Variants in DPP8 observed in about 807,000 individuals in gnomAD.
The protein encoded by DPP8 is DPP VIII.
Under a neutral mutation model 107.5 loss-of-function variants are expected in DPP8, and 31 were observed. The ratio of observed to expected loss-of-function variants is 0.29; its 90% confidence interval spans 0.22 to 0.39. DPP8 has a LOEUF of 0.39. DPP8 is among the 10% of genes least tolerant of loss of function. The probability of loss-of-function intolerance (pLI) is 1.00; values close to 1 mark genes in which losing one functional copy is unlikely to be tolerated. For missense variants in DPP8, 842 were observed against 1,076.1 expected, an observed-to-expected ratio of 0.78 and a Z score of 3.04; for synonymous variants, 381 against 356.6, an observed-to-expected ratio of 1.07 and a Z score of -0.77.
chr15:65,443,761 T>G lies in DPP8; in HGVS notation c.*3123A>C, dbSNP rs2063385396. ...TACTGTTTAGGTTCTTGTGAATCAG[T>G]CCAGTGTAAAAAATCACCTATTATT... On this transcript the variant is annotated 3_prime_UTR_variant, in exon 20 of 20. Transcript: ENST00000300141. The G allele has an allele frequency of 6.6e-6, 1 of 152,162 alleles. No individual in the cohort carries two copies. The highest frequency in any genetic ancestry group is 6.6e-5 in the Admixed American group (1 of 15,260). 9.4% of individuals were successfully genotyped at this position (152,162 alleles called of 1,614,324 possible).
At chr15:65,509,419 A>G (rs1305678389) in intron 2 of DPP8, among the ~76,000 whole-genome samples, 1 of 152,220 alleles carries the variant, frequency 6.6e-6, no homozygotes, top group Non-Finnish European at 1.5e-5. Context: ...ATCCATGACC[A>G]GTAAAAATTT....
chr15:65,448,351 T>C (rs574706397), intron 19 of DPP8, among the ~76,000 whole-genome samples: 1 of 151,970 alleles, frequency 6.6e-6, no homozygotes, highest in Admixed American at 6.6e-5. Context: ...CTGGGCAACT[T>C]AGTGACACCC....
chr15:65,493,288 G>A (rs1156321118), intron 5 of DPP8, among the ~76,000 whole-genome samples: 1 of 151,928 alleles, frequency 6.6e-6, no homozygotes, highest in Non-Finnish European at 1.5e-5. Context: ...CTCCATGTTG[G>A]TCAGGCTGGT....
chr15:65,487,612 C>T, intron 7 of DPP8, 78 bp downstream of exon 7: 6 of 1,413,402 alleles, frequency 4.2e-6, no homozygotes, highest in Non-Finnish European at 4.9e-6. Flanking sequence ...TTGTTGGCTA[C>T]ACCTTTGGAT....
Position 65,480,262 on chromosome 15 carries a change from G to A in DPP8, c.1256C>T (p.Pro419Leu), listed in dbSNP as rs1352144398. The A allele has an allele frequency of 6.2e-7, 1 of 1,613,608 alleles. No individual in the cohort carries two copies. The highest frequency in any genetic ancestry group is 8.5e-7 in the Non-Finnish European group (1 of 1,179,880). ...LIESVPDSVT[P>L]LIIYEETTDI... ...TGTTGTTTCTTCATAGATAATTAGT[G>A]GCGTCACAGAATCAGGCACTGACTC... Residue 419 changes from proline to leucine, a missense_variant, in exon 10 of 20, where the codon CCA becomes CTA. Physicochemically the swap from Pro to Leu is moderately conservative, Grantham distance 98. Transcript: ENST00000300141.
rs1481498979 is a variant in DPP8 at position 65,509,064 on chromosome 15, A to G, written c.260-1709T>C. ...AAATGTTGAGGATAAGCCCCCAAAT[A>G]ACCATATCTTTTTTTATCCTCTTAT... On this transcript the variant is annotated intron_variant, in intron 2 of 19. Transcript: ENST00000300141. Among the ~76,000 whole-genome samples the G allele has an allele frequency of 5.9e-5, 9 of 152,140 alleles. 1 individual carries two copies. Among genetic ancestry groups the G allele is most frequent in the South Asian group, 2.1e-4 (1 of 4,832 alleles).
intron 17 of DPP8, 48 bp from the exon 18 acceptor site, chr15:65,452,150 T>C (rs1394149445): frequency 8.3e-6 from 13 of 1,560,692 alleles, no homozygotes; most frequent in African/African-American, 1.4e-5. Context: ...AAAAAGAGAG[T>C]GGCTAGCAGT....
intron 5 of DPP8, among the ~76,000 whole-genome samples, chr15:65,494,673 A>T (rs2068406104): frequency 6.6e-6 from 1 of 150,650 alleles, no homozygotes. Flanking sequence ...GGGCATGAAA[A>T]AATCGCTAGG....
intron 1 of DPP8, 186 bp from the exon 2 acceptor site, chr15:65,512,750 T>C (rs1567304938): frequency 1.6e-6 from 1 of 613,360 alleles, no homozygotes; most frequent in Non-Finnish European, 2.8e-6. Context: ...AGTTTAAAAA[T>C]GAAATTAAAA....
chr15:65,449,764 C>T (rs964378323), intron 19 of DPP8, among the ~76,000 whole-genome samples: 7 of 151,986 alleles, frequency 4.6e-5, no homozygotes, highest in Non-Finnish European at 7.4e-5. Context: ...ATACTTTAGT[C>T]GAAACAACAT....
Position 65,454,380 on chromosome 15 carries a change from G to C in DPP8, c.2154C>G (p.Leu718=). ...AATCATATCGAGAAGCTAGATATTGGAGTCCTTCCACCTGATCGTCAATTT... is the reference window on the plus strand; with the variant it reads ...AATCATATCGAGAAGCTAGATATTGCAGTCCTTCCACCTGATCGTCAATTT... ...QIEIDDQVEG[L]QYLASRYDFI... is the part of the protein sequence containing the mutation. Residue 718 remains leucine (L), a synonymous_variant, in exon 17 of 20, where the codon CTC becomes CTG. Coordinates refer to ENST00000300141, the MANE Select transcript of DPP8 (RefSeq NM_130434.5). 6.2e-7 allele frequency: 1 copy of C among 1,604,258 alleles called. No homozygotes were observed. Among genetic ancestry groups the C allele is most frequent in the South Asian group, 1.1e-5 (1 of 88,606 alleles).
intron 1 of DPP8, among the ~76,000 whole-genome samples, chr15:65,513,163 T>G (rs561370216): frequency 6.6e-6 from 1 of 152,348 alleles, no homozygotes; most frequent in Non-Finnish European, 1.5e-5. Context: ...GATGCATTTC[T>G]GAGTCTTCTG....
chr15:65,506,752 TTAAA>T (rs1165646630), intron 3 of DPP8, among the ~76,000 whole-genome samples: 1 of 149,574 alleles, frequency 6.7e-6, no homozygotes. Context: ...TATATATATG[TTAAA>T]TAGTTTTTAA....
chr15:65,498,015 G>A lies in DPP8; in HGVS notation c.564C>T (p.Pro188=), dbSNP rs764844014. 6 of 1,596,096 alleles carry A rather than the reference G, an allele frequency of 3.8e-6. No individual in the cohort carries two copies. In the South Asian group the frequency reaches 6.9e-5, roughly 18 times the overall value. ...PQGFTQQPLR[P]NLVETSCPNI... ...TGGGACAACTAGTTTCCACTAGATT[G>A]GGCCTTAAAGGTTGTTGCTAGAAAA... Residue 188 remains proline, a synonymous_variant, in exon 5 of 20, where the codon CCC becomes CCT. Transcript: ENST00000300141.
At chr15:65,493,882 G>A (rs1438891370) in intron 5 of DPP8, among the ~76,000 whole-genome samples, 1 of 151,998 alleles carries the variant, frequency 6.6e-6, no homozygotes, top group Admixed American at 6.6e-5. Flanking sequence ...GAAACCTATT[G>A]TGAGTAAGTG....
intron 5 of DPP8, among the ~76,000 whole-genome samples, chr15:65,495,772 C>T (rs1208311398): frequency 6.6e-6 from 1 of 151,434 alleles, no homozygotes; most frequent in African/African-American, 2.4e-5. Flanking sequence ...ATCCCAGCTA[C>T]TCGGGAGGCT....
At chr15:65,498,082 T>C (rs1316996498) in intron 4 of DPP8, 50 bp from the exon 5 acceptor site, 6 of 1,356,898 alleles carry the variant, frequency 4.4e-6, no homozygotes, top group African/African-American at 2.9e-5. Context: ...GACACATACA[T>C]GTTCCAGCAC....
intron 6 of DPP8, 58 bp downstream of exon 6, chr15:65,490,131 A>G: frequency 1.1e-6 from 1 of 884,328 alleles, no homozygotes; most frequent in South Asian, 1.4e-5. Context: ...CTTAAATGAC[A>G]GTTGAATCTT....
At chr15:65,482,974 G>C (rs2067068554) in intron 8 of DPP8, among the ~76,000 whole-genome samples, 1 of 152,002 alleles carries the variant, frequency 6.6e-6, no homozygotes, top group Admixed American at 6.6e-5. Context: ...GCGGGCACCT[G>C]TAGTACCAGC....
Sources: gnomAD v4.1 joint callset for allele counts (sites outside exome capture counted in the v4.1 genomes callset) on GRCh38, gnomAD v4.1.1 for gene constraint, MANE v1.5 for transcripts, NCBI Gene and HGNC (gene_info 2026-07-23, HGNC 2026-07-21) for gene names.